PCSK5: variants seen among roughly 807,000 people sequenced by gnomAD.
PCSK5 encodes proprotein convertase subtilisin/kexin type 5.
PCSK5 carries 129 observed loss-of-function variants against 233.2 expected under a neutral mutation model. That is an observed-to-expected ratio of 0.55 (90% CI 0.48 to 0.64). PCSK5 has a LOEUF of 0.64. Ranked by LOEUF, PCSK5 falls within the 30% of genes least tolerant of loss-of-function variation. The pLI is 0.00. For missense variants in PCSK5, 2,076 were observed against 2,430.1 expected, an observed-to-expected ratio of 0.85 and a Z score of 3.06; for synonymous variants, 825 against 879.2, an observed-to-expected ratio of 0.94 and a Z score of 1.09.
intron 10 of PCSK5, among the ~76,000 whole-genome samples, chr9:76,153,895 G>A (rs981045537): frequency 5.9e-5 from 9 of 152,174 alleles, no homozygotes; most frequent in African/African-American, 2.2e-4. Flanking sequence ...GAACCCTTGG[G>A]AGCCCCTCAG....
chr9:76,162,515 A>G (rs1822905951), intron 12 of PCSK5, among the ~76,000 whole-genome samples: 1 of 151,968 alleles, frequency 6.6e-6, no homozygotes, highest in African/African-American at 2.4e-5. Flanking sequence ...TCATGTTGGT[A>G]TGCAAGGCAG....
At chr9:75,915,699 A>G (rs1822957390) in intron 1 of PCSK5, among the ~76,000 whole-genome samples, 1 of 152,228 alleles carries the variant, frequency 6.6e-6, no homozygotes, top group South Asian at 2.1e-4. Flanking sequence ...GCCTCTGATT[A>G]AAGCTTAATA....
intron 2 of PCSK5, among the ~76,000 whole-genome samples, chr9:75,934,586 T>TA (rs201290687): frequency 4.0e-5 from 6 of 151,252 alleles, no homozygotes; most frequent in Non-Finnish European, 7.4e-5. Context: ...TTTTTTTTTT[T>TA]AAATTTTTTT....
At chr9:75,979,123 G>A (rs1043826437) in intron 2 of PCSK5, among the ~76,000 whole-genome samples, 4 of 151,846 alleles carry the variant, frequency 2.6e-5, no homozygotes, top group Non-Finnish European at 2.9e-5. Flanking sequence ...CAAAGTGCTG[G>A]GATTATCGCG....
chr9:76,231,329 C>T (rs1026339832), intron 21 of PCSK5, among the ~76,000 whole-genome samples: 1 of 152,120 alleles, frequency 6.6e-6, no homozygotes, highest in African/African-American at 2.4e-5. Context: ...TGGTCCCTCC[C>T]ACGACTCGGA....
chr9:75,981,148 C>G (rs1366341796), intron 2 of PCSK5, among the ~76,000 whole-genome samples: 1 of 152,160 alleles, frequency 6.6e-6, no homozygotes, highest in Non-Finnish European at 1.5e-5. Context: ...ATATTAATCT[C>G]GTATCTTCAC....
chr9:76,115,092 G>A (rs1342385816), intron 9 of PCSK5, among the ~76,000 whole-genome samples: 1 of 152,066 alleles, frequency 6.6e-6, no homozygotes, highest in African/African-American at 2.4e-5. Context: ...CTAAACTCAG[G>A]TAAATTGTGA....
At chr9:76,328,537 C>T (rs1829438080) in intron 33 of PCSK5, among the ~76,000 whole-genome samples, 1 of 152,154 alleles carries the variant, frequency 6.6e-6, no homozygotes, top group South Asian at 2.1e-4. Context: ...CTCTTCCTCT[C>T]ACTCTCTCAA....
intron 24 of PCSK5, among the ~76,000 whole-genome samples, chr9:76,269,322 T>C (rs536069812): frequency 6.6e-6 from 1 of 152,298 alleles, no homozygotes; most frequent in South Asian, 2.1e-4. Context: ...CATTCAGCAA[T>C]TGACATCCAA....
chr9:76,272,716 A>T (rs1242290387), intron 24 of PCSK5, among the ~76,000 whole-genome samples: 1 of 136,728 alleles, frequency 7.3e-6, no homozygotes, highest in Non-Finnish European at 1.5e-5. Context: ...CAGAGATTGC[A>T]GTGAGCCGAG....
intron 32 of PCSK5, among the ~76,000 whole-genome samples, chr9:76,324,341 C>T (rs1018208593): frequency 6.6e-6 from 1 of 152,136 alleles, no homozygotes; most frequent in Non-Finnish European, 1.5e-5. Context: ...AGTGGTTCTC[C>T]TGCCTCAGCC....
At chr9:76,235,802 CT>C (rs1361830573) in intron 22 of PCSK5, among the ~76,000 whole-genome samples, 44 of 152,152 alleles carry the variant, frequency 2.9e-4, no homozygotes, top group African/African-American at 1.1e-3. Context: ...GCTCTGCCTC[CT>C]TGAGAGTGTG....
At position 76,225,495 on chromosome 9, in the gene PCSK5, G is replaced by A. The variant is rs545711038; in HGVS notation, c.2627-2008G>A. On this transcript the variant is annotated intron_variant, in intron 20 of 37. Transcript: ENST00000674117. ...AAACAAATCGTTTGCACTGGCCCCT[G>A]TAGGCAAGGTCTGCTTCTTCCCACT... Among the ~76,000 whole-genome samples, 14 of 151,462 alleles carry A rather than the reference G, an allele frequency of 9.2e-5. No homozygotes were observed. In the South Asian group the frequency reaches 2.7e-3, roughly 29 times the overall value.
In PCSK5 at chr9:75,891,060, G is replaced by GGCTGCGAGCTGCGGCGGCCCGGA; in HGVS notation, c.-100_-99insAGCTGCGAGCTGCGGCGGCCCGG. The GGCTGCGAGCTGCGGCGGCCCGGA allele has an allele frequency of 2.2e-6, 2 of 903,298 alleles. No individual in the cohort carries two copies. Among genetic ancestry groups the GGCTGCGAGCTGCGGCGGCCCGGA allele is most frequent in the Non-Finnish European group, 3.0e-6 (2 of 660,798 alleles). 56.0% of individuals were successfully genotyped at this position (903,298 alleles called of 1,614,324 possible). On this transcript the variant is annotated 5_prime_UTR_variant, in exon 1 of 38. Transcript: ENST00000674117. ...TAGCCGCCTCCTGCCGATCGCCCGG[G>GGCTGCGAGCTGCGGCGGCCCGGA]GCTGCGAGCTGCGGCGGCCCGGGGC...
chr9:76,112,076 T>C (rs1832241247), intron 9 of PCSK5, among the ~76,000 whole-genome samples: 1 of 152,208 alleles, frequency 6.6e-6, no homozygotes, highest in Non-Finnish European at 1.5e-5. Context: ...TGTAACAATA[T>C]CAGCATCAAC....
chr9:75,985,077 A>G (rs1490565589), intron 2 of PCSK5, among the ~76,000 whole-genome samples: 1 of 152,204 alleles, frequency 6.6e-6, no homozygotes, highest in Non-Finnish European at 1.5e-5. Flanking sequence ...AACATTCCAG[A>G]GCATTGTGAC....
chr9:76,335,475 C>A lies in PCSK5; in HGVS notation c.4749-2755C>A, dbSNP rs113538105. Among the ~76,000 whole-genome samples the A allele has an allele frequency of 9.8e-5, 15 of 152,298 alleles. No homozygotes were observed. The South Asian group carries it at 1.0e-3, about 11-fold the overall frequency. On this transcript the variant is annotated intron_variant, in intron 34 of 37. Transcript: ENST00000674117. ...AAAAGTAGGCATACACTTCTCTGCA[C>A]CCTATCCCAACCCACGTAATTATTT...
intron 2 of PCSK5, among the ~76,000 whole-genome samples, chr9:75,955,677 A>C (rs930467074): frequency 1.3e-5 from 2 of 151,758 alleles, no homozygotes; most frequent in African/African-American, 2.4e-5. Flanking sequence ...TGTCCCCTTG[A>C]GGAGAAAAAT....
chr9:76,017,186 C>G (rs757579787), intron 3 of PCSK5, among the ~76,000 whole-genome samples: 2 of 152,138 alleles, frequency 1.3e-5, no homozygotes, highest in Non-Finnish European at 2.9e-5. Flanking sequence ...ACCCCCTCCC[C>G]AGGCTCCATT....
Sources: allele counts gnomAD v4.1 joint callset (sites outside exome capture counted in the v4.1 genomes callset), GRCh38; gene constraint gnomAD v4.1.1; transcripts MANE v1.5; gene names NCBI Gene and HGNC (gene_info 2026-07-23, HGNC 2026-07-21).